The following RGS7 variants were observed in gnomAD, a reference collection of about 807,000 sequenced individuals.
RGS7 encodes regulator of G protein signaling 7, also known as regulator of G-protein signaling 7.
A neutral mutation model predicts 81.1 loss-of-function variants in RGS7; 27 were observed. The observed-to-expected ratio is 0.33, with a 90% CI of 0.25 to 0.46. The LOEUF (loss-of-function observed/expected upper bound fraction) is 0.46, where lower values mean the gene tolerates loss of function less well. RGS7 is among the 20% of genes least tolerant of loss of function. The pLI, the probability that RGS7 is intolerant of heterozygous loss-of-function variation, is 1.00. For missense variants in RGS7, 396 were observed against 607.4 expected, an observed-to-expected ratio of 0.65 and a Z score of 3.66; for synonymous variants, 208 against 207.7, an observed-to-expected ratio of 1.00 and a Z score of -0.01.
intron 2 of RGS7, among the ~76,000 whole-genome samples, chr1:241,221,006 A>AGGAAGGAAGGAAGGAAGG (rs1553289481): frequency 1.2e-5 from 1 of 84,548 alleles, no homozygotes; most frequent in African/African-American, 4.0e-5. Flanking sequence ...AGAGAGAGAG[A>AGGAAGGAAGGAAGGAAGG]AAGGAAGGAA....
chr1:240,854,824 G>A (rs114725706), intron 9 of RGS7, among the ~76,000 whole-genome samples: 5 of 152,034 alleles, frequency 3.3e-5, no homozygotes, highest in African/African-American at 4.8e-5. Flanking sequence ...CGGCCTACAC[G>A]GGTTGTTCTG....
At chr1:240,999,813 G>T (rs1411903988) in intron 3 of RGS7, among the ~76,000 whole-genome samples, 1 of 151,910 alleles carries the variant, frequency 6.6e-6, no homozygotes, top group African/African-American at 2.4e-5. Flanking sequence ...ATGTCGGCCA[G>T]GCTGTTCCCA....
chr1:241,218,726 C>T (rs777336306), intron 2 of RGS7, among the ~76,000 whole-genome samples: 13 of 152,166 alleles, frequency 8.5e-5, no homozygotes, highest in Non-Finnish European at 1.9e-4. Flanking sequence ...CTCACCGCAA[C>T]CTCCACCTCC....
intron 4 of RGS7, among the ~76,000 whole-genome samples, chr1:240,974,481 T>C (rs1415876921): frequency 6.6e-6 from 1 of 152,206 alleles, no homozygotes; most frequent in African/African-American, 2.4e-5. Context: ...CAAGTGATTA[T>C]TGAGAATTGA....
chr1:240,994,869 C>A, intron 3 of RGS7, among the ~76,000 whole-genome samples: 1 of 151,998 alleles, frequency 6.6e-6, no homozygotes. Flanking sequence ...AATAGTGTCT[C>A]ACTATGTTGT....
chr1:240,902,147 A>C (rs1465689483), intron 6 of RGS7, among the ~76,000 whole-genome samples: 1 of 152,242 alleles, frequency 6.6e-6, no homozygotes, highest in Non-Finnish European at 1.5e-5. Flanking sequence ...AACTATTTCA[A>C]ATGCAAACTA....
chr1:241,109,177 A>G (rs773496730), intron 2 of RGS7, among the ~76,000 whole-genome samples: 28 of 152,186 alleles, frequency 1.8e-4, no homozygotes, highest in Non-Finnish European at 3.4e-4. Flanking sequence ...TTCTAGCGTT[A>G]TAACTTGCTT....
intron 4 of RGS7, among the ~76,000 whole-genome samples, chr1:240,982,875 G>A (rs1025163349): frequency 6.6e-6 from 1 of 152,142 alleles, no homozygotes; most frequent in Non-Finnish European, 1.5e-5. Flanking sequence ...TTAAGGATGT[G>A]AAAAATTGTA....
At chr1:241,322,673 T>C (rs967108870) in intron 2 of RGS7, among the ~76,000 whole-genome samples, 2 of 152,318 alleles carry the variant, frequency 1.3e-5, no homozygotes, top group African/African-American at 4.8e-5. Flanking sequence ...TTCTTTAAGT[T>C]CCAATGTCAG....
In RGS7 at chr1:241,164,305, A is replaced by G. The variant is rs978267029; in HGVS notation, c.79-65543T>C. Among the ~76,000 whole-genome samples the G allele has an allele frequency of 1.3e-5, 2 of 150,176 alleles. No homozygotes were observed. Among genetic ancestry groups the G allele is most frequent in the Non-Finnish European group, 2.9e-5 (2 of 67,822 alleles). On this transcript the variant is annotated intron_variant, in intron 2 of 18. Coordinates refer to ENST00000440928, the MANE Select transcript of RGS7 (RefSeq NM_001364886.1). This position sits in a 1 kb window ranked among gnomAD's most constrained non-coding sequence, Gnocchi z 4.1. ...TTTTTTTAAGCTTCATTATGTAAGC[A>G]TGATTGACTAAACCTTTGGCCATTG...
intron 4 of RGS7, among the ~76,000 whole-genome samples, chr1:240,978,759 C>T (rs1243244965): frequency 6.6e-6 from 1 of 152,034 alleles, no homozygotes. Flanking sequence ...ACAAAAATAC[C>T]TACAATTGCC....
chr1:241,333,778 T>C (rs1435108339), intron 2 of RGS7, among the ~76,000 whole-genome samples: 2 of 152,084 alleles, frequency 1.3e-5, no homozygotes, highest in Non-Finnish European at 2.9e-5. Flanking sequence ...ATTAGCAAGA[T>C]TATTAAAAAG....
intron 2 of RGS7, among the ~76,000 whole-genome samples, chr1:241,238,891 G>C (rs992947382): frequency 2.0e-5 from 3 of 150,526 alleles, no homozygotes; most frequent in African/African-American, 7.3e-5. Context: ...TTTTTGATTT[G>C]TTATAAAACA....
At chr1:240,939,640 T>C (rs1184889547) in intron 4 of RGS7, among the ~76,000 whole-genome samples, 1 of 152,082 alleles carries the variant, frequency 6.6e-6, no homozygotes, top group Non-Finnish European at 1.5e-5. Flanking sequence ...GAATTGTAGT[T>C]TCAGAAAGGG....
chr1:241,079,866 T>C (rs1191141651), intron 3 of RGS7, among the ~76,000 whole-genome samples: 1 of 151,740 alleles, frequency 6.6e-6, no homozygotes, highest in Non-Finnish European at 1.5e-5. Flanking sequence ...TTTAGCAGCC[T>C]ATAATCTCTA....
intron 2 of RGS7, among the ~76,000 whole-genome samples, chr1:241,265,254 G>A (rs2077525805): frequency 6.6e-6 from 1 of 152,212 alleles, no homozygotes. Context: ...TCCAGCGGCA[G>A]GTGCCATTTA....
chr1:241,100,736 C>T (rs1228950696), intron 2 of RGS7, among the ~76,000 whole-genome samples: 1 of 152,156 alleles, frequency 6.6e-6, no homozygotes, highest in African/African-American at 2.4e-5. Context: ...ATTTTAAGGG[C>T]AAATGATACA....
chr1:241,072,405 C>T (rs894840164), intron 3 of RGS7, among the ~76,000 whole-genome samples: 7 of 152,172 alleles, frequency 4.6e-5, no homozygotes, highest in Admixed American at 4.6e-4. Context: ...TCACATCCAC[C>T]TCCCTATCTT....
chr1:241,153,791 C>A (rs1342475705), intron 2 of RGS7, among the ~76,000 whole-genome samples: 1 of 152,186 alleles, frequency 6.6e-6, no homozygotes, highest in Non-Finnish European at 1.5e-5. Context: ...TGATTGGTCT[C>A]TTCAAATACA....
Sources: allele counts gnomAD v4.1 joint callset (sites outside exome capture counted in the v4.1 genomes callset), GRCh38; gene constraint gnomAD v4.1.1; non-coding constraint Gnocchi (gnomAD v3.1); transcripts MANE v1.5; gene names NCBI Gene and HGNC (gene_info 2026-07-23, HGNC 2026-07-21).